Variants in DAB1 observed in about 807,000 individuals in gnomAD.
DAB1 encodes the protein DAB adaptor protein 1, also known as disabled homolog 1.
Under a neutral mutation model 64.6 loss-of-function variants are expected in DAB1, and 15 were observed. The observed-to-expected ratio is 0.23, with a 90% confidence interval of 0.16 to 0.36. The LOEUF is 0.36. Ranked by LOEUF, DAB1 falls within the 10% of genes least tolerant of loss-of-function variation. The pLI, the probability that DAB1 is intolerant of heterozygous loss-of-function variation, is 1.00. For missense variants in DAB1, 596 were observed against 706.7 expected (o/e 0.84, Z 1.78); for synonymous variants, 235 against 251.9 (o/e 0.93, Z 0.64).
chr1:57,183,495 G>A (rs1394980909), intron 2 of DAB1, among the ~76,000 whole-genome samples: 1 of 152,192 alleles, frequency 6.6e-6, no homozygotes, highest in African/African-American at 2.4e-5. Flanking sequence ...ATGAAACAGA[G>A]AGGGAAGGAG....
chr1:58,479,795 A>AT (rs1319973868), intron 3 of DAB1, among the ~76,000 whole-genome samples: 1 of 152,214 alleles, frequency 6.6e-6, no homozygotes, highest in African/African-American at 2.4e-5. Flanking sequence ...GCTTTGTTCT[A>AT]TCTAGGTGAG....
chr1:57,091,685 C>A lies in DAB1; in HGVS notation c.307-19271G>T, dbSNP rs181190248. Among the ~76,000 whole-genome samples, 28 of 152,274 alleles carry A rather than the reference C, an allele frequency of 1.8e-4. No homozygotes were observed. In the East Asian group the frequency reaches 5.2e-3, roughly 28 times the overall value. On this transcript the variant is annotated intron_variant, in intron 4 of 14. Coordinates refer to ENST00000371236, the MANE Select transcript of DAB1 (RefSeq NM_001365792.1). ...GCCCTGCCACTTACCAGCTATGTGACCTTTGCTAAAGATTTATCTTTTCTG... is the reference window on the plus strand; with the variant it reads ...GCCCTGCCACTTACCAGCTATGTGAACTTTGCTAAAGATTTATCTTTTCTG...
At chr1:57,128,166 AAT>A (rs373196036) in intron 4 of DAB1, among the ~76,000 whole-genome samples, 5,808 of 145,574 alleles carry the variant, frequency 0.04, 157 homozygotes, top group Non-Finnish European at 0.05. Flanking sequence ...TAAATAAATA[AAT>A]AAATAAATAA....
At chr1:58,462,287 C>T (rs983625362) in intron 3 of DAB1, among the ~76,000 whole-genome samples, 22 of 151,926 alleles carry the variant, frequency 1.4e-4, no homozygotes, top group Non-Finnish European at 2.4e-4. Flanking sequence ...CCACCGCGCC[C>T]GGCTAATTTT....
intron 2 of DAB1, among the ~76,000 whole-genome samples, chr1:57,280,158 C>A (rs1671776198): frequency 6.6e-6 from 1 of 152,158 alleles, no homozygotes. Context: ...TTGCCTCTTA[C>A]ACAGAATGAG....
chr1:57,648,162 C>G (rs538900608), intron 7 of DAB1, among the ~76,000 whole-genome samples: 11 of 152,310 alleles, frequency 7.2e-5, no homozygotes, highest in African/African-American at 2.6e-4. Flanking sequence ...AGATCAAACT[C>G]AGTCCAGCAT....
chr1:57,172,575 G>A (rs544651764), intron 2 of DAB1, among the ~76,000 whole-genome samples: 29 of 152,296 alleles, frequency 1.9e-4, no homozygotes, highest in African/African-American at 6.3e-4. Flanking sequence ...GACAGCATCT[G>A]TTTTCTGGTG....
At chr1:57,095,700 T>G (rs1570682348) in intron 4 of DAB1, among the ~76,000 whole-genome samples, 1 of 151,994 alleles carries the variant, frequency 6.6e-6, no homozygotes, top group South Asian at 2.1e-4. Context: ...GGAGGCTAGG[T>G]GTGAGGAGGG....
At chr1:58,317,084 T>C (rs1236506551) in intron 4 of DAB1, among the ~76,000 whole-genome samples, 5 of 152,230 alleles carry the variant, frequency 3.3e-5, no homozygotes, top group African/African-American at 4.8e-5. Flanking sequence ...AGAGAGAGCA[T>C]TGCCTTTGCC....
chr1:58,527,006 T>C (rs1217382506), intron 2 of DAB1, among the ~76,000 whole-genome samples: 1 of 152,174 alleles, frequency 6.6e-6, no homozygotes, highest in Non-Finnish European at 1.5e-5. Flanking sequence ...TAATAGAACC[T>C]GATAATTACT....
Position 57,225,579 on chromosome 1 carries a change from CAAG to C in DAB1, c.67+65382_67+65384del, listed in dbSNP as rs1378725256. On this transcript the variant is annotated intron_variant, in intron 2 of 14. Coordinates refer to ENST00000371236, the MANE Select transcript of DAB1 (RefSeq NM_001365792.1). ...GGATAGCAGCCACAGTCCCTGCTCT[CAAG>C]AAGCTCACGGTGTACGGTAAGAGAT... Among the ~76,000 whole-genome samples, 19 of 152,300 alleles carry C rather than the reference CAAG, an allele frequency of 1.2e-4. No homozygotes were observed. The South Asian group carries it at 2.1e-3, about 17-fold the overall frequency.
chr1:57,606,618 A>AATATAATATATTATATATTAT (rs1558535618), intron 7 of DAB1, among the ~76,000 whole-genome samples: 23 of 118,968 alleles, frequency 1.9e-4, no homozygotes, highest in African/African-American at 7.2e-4. Flanking sequence ...TGAAATATAT[A>AATATAATATATTATATATTAT]ATATATGAAA....
intron 7 of DAB1, among the ~76,000 whole-genome samples, chr1:57,444,703 G>A (rs924725192): frequency 2.0e-5 from 3 of 152,140 alleles, no homozygotes; most frequent in Non-Finnish European, 2.9e-5. Flanking sequence ...AAGTGGAGTC[G>A]TATGGCCACA....
At chr1:57,497,214 TCTA>T (rs1471413426) in intron 7 of DAB1, among the ~76,000 whole-genome samples, 2 of 152,240 alleles carry the variant, frequency 1.3e-5, no homozygotes, top group African/African-American at 2.4e-5. Flanking sequence ...ATCCCCTTGC[TCTA>T]CTATTTTCTT....
At chr1:57,525,241 C>A (rs1397404176) in intron 7 of DAB1, among the ~76,000 whole-genome samples, 1 of 152,222 alleles carries the variant, frequency 6.6e-6, no homozygotes, top group East Asian at 1.9e-4. Context: ...AATTCCCAAA[C>A]AGCAATGCAC....
chr1:57,575,662 T>A (rs1417078423), intron 7 of DAB1, among the ~76,000 whole-genome samples: 1 of 152,178 alleles, frequency 6.6e-6, no homozygotes, highest in Non-Finnish European at 1.5e-5. Flanking sequence ...AGTGCCAAAA[T>A]ACAGTACTGT....
chr1:58,102,764 A>C (rs1477927888), intron 5 of DAB1, among the ~76,000 whole-genome samples: 2 of 152,224 alleles, frequency 1.3e-5, no homozygotes, highest in South Asian at 2.1e-4. Context: ...AAGCTTGGTA[A>C]GTATCATTCA....
At position 57,788,238 on chromosome 1, in the gene DAB1, G is replaced by A. The variant is rs145577831; in HGVS notation, n.551+95761C>T. On this transcript the variant is annotated intron_variant and non_coding_transcript_variant, in intron 6 of 20. Transcript: ENST00000485760. Reference sequence around the variant, plus strand: ...AATAACATTAATATTTATAGTAGCTGTATTAATAATTTCCCCAAACTGGAA... The same window carrying A: ...AATAACATTAATATTTATAGTAGCTATATTAATAATTTCCCCAAACTGGAA... Among the ~76,000 whole-genome samples the A allele has an allele frequency of 1.7e-3, 252 of 152,304 alleles. 1 individual carries two copies. Among genetic ancestry groups the A allele is most frequent in the African/African-American group, 5.5e-3 (230 of 41,552 alleles).
At chr1:58,062,355 A>T (rs1005516731) in intron 5 of DAB1, among the ~76,000 whole-genome samples, 3 of 152,182 alleles carry the variant, frequency 2.0e-5, no homozygotes, top group African/African-American at 2.4e-5. Flanking sequence ...GTCTCACTAC[A>T]GCTTTGCCAG....
Sources: gnomAD v4.1 joint callset for allele counts (sites outside exome capture counted in the v4.1 genomes callset) on GRCh38, gnomAD v4.1.1 for gene constraint, MANE v1.5 for transcripts, NCBI Gene and HGNC (gene_info 2026-07-23, HGNC 2026-07-21) for gene names.